Variants in HORMAD2 observed in about 807,000 individuals in gnomAD.
HORMAD2 encodes the protein HORMA domain-containing protein 2.
A neutral mutation model predicts 38.8 loss-of-function variants in HORMAD2; 45 were observed. The observed-to-expected ratio is 1.16, with a 90% confidence interval of 0.91 to 1.49. The LOEUF is 1.49. HORMAD2 is among the 40% of genes most tolerant of loss of function. The probability of loss-of-function intolerance (pLI) is 0.00; values close to 1 mark genes in which losing one functional copy is unlikely to be tolerated. For synonymous variants in HORMAD2, 126 were observed against 122.8 expected (o/e 1.03, Z -0.17); for missense variants, 338 against 367.0 (o/e 0.92, Z 0.65).
rs758156760 is a variant in HORMAD2 at position 30,124,973 on chromosome 22, T to A, written c.819+2759T>A. ...CAGTCTGCTAGATATGAAATGGTAA[T>A]GCCTCATGATGTTAATTTGAATTTC... is the stretch of plus-strand genomic sequence containing the variant. On this transcript the variant is annotated intron_variant, in intron 10 of 10. Coordinates refer to ENST00000336726, the MANE Select transcript of HORMAD2 (RefSeq NM_152510.4). 4.9e-4 allele frequency among the ~76,000 whole-genome samples: 75 copies of A among 152,266 alleles called. 1 individual carries two copies. Among genetic ancestry groups the A allele is most frequent in the Non-Finnish European group, 9.9e-4 (67 of 68,008 alleles).
chr22:30,137,016 G>T, intron 10 of HORMAD2: 1 of 449,680 alleles, frequency 2.2e-6, no homozygotes, highest in Non-Finnish European at 4.0e-6. Flanking sequence ...AGTCTTCCAT[G>T]TGTAATTGTT....
chr22:30,113,487 C>T (rs73400689), intron 7 of HORMAD2, among the ~76,000 whole-genome samples: 6,502 of 152,174 alleles, frequency 0.043, 465 homozygotes, highest in African/African-American at 0.15. Context: ...ATCTTCCTGC[C>T]TCCTCCTCCC....
At chr22:30,156,781 C>G (rs944759050) in intron 10 of HORMAD2, among the ~76,000 whole-genome samples, 3 of 152,192 alleles carry the variant, frequency 2.0e-5, no homozygotes, top group Admixed American at 6.5e-5. Context: ...AATCTTTTCA[C>G]AGCAATAAAA....
chr22:30,138,288 A>G (rs1013785700), intron 10 of HORMAD2, among the ~76,000 whole-genome samples: 12 of 151,380 alleles, frequency 7.9e-5, no homozygotes, highest in African/African-American at 2.7e-4. Context: ...TGCCTAGGCA[A>G]CAGAGAAGCT....
intron 6 of HORMAD2, 74 bp from the exon 7 acceptor site, chr22:30,112,422 A>G (rs1921734271): frequency 2.8e-6 from 2 of 724,436 alleles, no homozygotes; most frequent in East Asian, 6.0e-5. Flanking sequence ...TGAACTCTAT[A>G]TAAAAAAGGT....
the HORMAD2 span, among the ~76,000 whole-genome samples, chr22:30,198,470 C>T: frequency 2.0e-5 from 3 of 151,204 alleles, no homozygotes; most frequent in African/African-American, 7.3e-5. Flanking sequence ...CCCAGAGGTT[C>T]GGATTTAACT....
At chr22:30,195,897 G>T in the HORMAD2 span, among the ~76,000 whole-genome samples, 23 of 152,206 alleles carry the variant, frequency 1.5e-4, no homozygotes, top group South Asian at 4.1e-4. Context: ...ATGGCCGAAG[G>T]GGGTGGGGAG....
chr22:30,135,884 C>A (rs1001042369), intron 10 of HORMAD2, among the ~76,000 whole-genome samples: 1 of 152,156 alleles, frequency 6.6e-6, no homozygotes, highest in Non-Finnish European at 1.5e-5. Flanking sequence ...ATGTAACATT[C>A]TTATTGTTCA....
Position 30,122,211 on chromosome 22 carries a change from C to T in HORMAD2, c.816C>T (p.Asp272=). 2 of 1,605,862 alleles carry T rather than the reference C, an allele frequency of 1.2e-6. No individual in the cohort carries two copies. The highest frequency in any genetic ancestry group is 1.7e-5 in the Admixed American group (1 of 58,500). Residue 272 remains aspartate, a synonymous_variant, in exon 10 of 11, where the codon GAC becomes GAT. Transcript: ENST00000336726. ...GTGATGAGGAAGAAGAATGCAATGA[C>T]CATGTAAGGCAAAGCTTTAGAGATT... ...LDCDEEEECN[D]HIQRMNFVCS... is the part of the protein sequence containing the mutation.
chr22:30,196,981 T>A, the HORMAD2 span, among the ~76,000 whole-genome samples: 1 of 152,166 alleles, frequency 6.6e-6, no homozygotes, highest in Non-Finnish European at 1.5e-5. Context: ...GGAAGATTCT[T>A]ACAGAGGCCT....
intron 10 of HORMAD2, among the ~76,000 whole-genome samples, chr22:30,158,257 TA>T (rs1040753176): frequency 9.7e-5 from 14 of 144,040 alleles, no homozygotes; most frequent in East Asian, 2.0e-4. Flanking sequence ...ATCCACAAAG[TA>T]AAAAAAAAAC....
rs575224446 is a variant in HORMAD2, at chr22:30,153,365, A to G, written c.820-22698A>G. ...CTTCCCTAATCAAAAATATCTCATG[A>G]GTCTTATTTCCAGCATCAAGTCTAA... On this transcript the variant is annotated intron_variant, in intron 10 of 10. Coordinates refer to ENST00000336726, the MANE Select transcript of HORMAD2 (RefSeq NM_152510.4). 1.1e-3 allele frequency among the ~76,000 whole-genome samples: 169 copies of G among 152,108 alleles called. 1 individual carries two copies. Among genetic ancestry groups the G allele is most frequent in the African/African-American group, 4.0e-3 (166 of 41,472 alleles).
chr22:30,168,419 T>A (rs1047981663), intron 10 of HORMAD2, among the ~76,000 whole-genome samples: 6 of 152,218 alleles, frequency 3.9e-5, no homozygotes, highest in African/African-American at 1.4e-4. Context: ...TGATGCAATT[T>A]CCTTCATCCT....
At chr22:30,156,989 G>A (rs1402320681) in intron 10 of HORMAD2, among the ~76,000 whole-genome samples, 1 of 152,108 alleles carries the variant, frequency 6.6e-6, no homozygotes, top group Non-Finnish European at 1.5e-5. Context: ...TCTAAATTAA[G>A]ATATGTTATT....
chr22:30,153,298 A>G (rs1010390475), intron 10 of HORMAD2, among the ~76,000 whole-genome samples: 1 of 152,094 alleles, frequency 6.6e-6, no homozygotes. Flanking sequence ...CCTAGATACC[A>G]CTGCCATCTA....
chr22:30,123,062 C>A (rs757031995), intron 10 of HORMAD2, among the ~76,000 whole-genome samples: 1 of 152,052 alleles, frequency 6.6e-6, no homozygotes, highest in African/African-American at 2.4e-5. Context: ...TCTGAAGGTT[C>A]CTTCTAGTTC....
At chr22:30,083,805 GT>G (rs2068525259) in intron 1 of HORMAD2, among the ~76,000 whole-genome samples, 1 of 152,050 alleles carries the variant, frequency 6.6e-6, no homozygotes, top group African/African-American at 2.4e-5. Flanking sequence ...GTTTCACCAT[GT>G]TTTTTGAAAA....
intron 10 of HORMAD2, among the ~76,000 whole-genome samples, chr22:30,166,035 C>T (rs549196530): frequency 1.4e-5 from 2 of 147,702 alleles, no homozygotes; most frequent in African/African-American, 5.0e-5. Context: ...CCTCATTATT[C>T]TTCTTTTTCA....
intron 7 of HORMAD2, among the ~76,000 whole-genome samples, chr22:30,116,492 G>C (rs561513265): frequency 7.9e-5 from 12 of 152,246 alleles, no homozygotes; most frequent in Admixed American, 5.2e-4. Context: ...AGAAGGAGAG[G>C]CTGCATATGT....
Sources: allele counts gnomAD v4.1 joint callset (sites outside exome capture counted in the v4.1 genomes callset), GRCh38; gene constraint gnomAD v4.1.1; transcripts MANE v1.5; gene names NCBI Gene and HGNC (gene_info 2026-07-23, HGNC 2026-07-21).